NSD1: variants seen among roughly 807,000 people sequenced by gnomAD.
The protein encoded by NSD1 is nuclear receptor binding SET domain protein 1.
Under a neutral mutation model 242.7 loss-of-function variants are expected in NSD1, and 26 were observed. That is an observed-to-expected ratio of 0.11 (90% CI 0.08 to 0.15). The LOEUF is 0.15. Among genes scored for constraint, NSD1 ranks in the 10% least tolerant of loss-of-function variants. The probability of loss-of-function intolerance (pLI) is 1.00; values close to 1 mark genes in which losing one functional copy is unlikely to be tolerated. For missense variants in NSD1, 2,495 were observed against 3,272.8 expected, an observed-to-expected ratio of 0.76 and a Z score of 5.80; for synonymous variants, 1,106 against 1,178.1, an observed-to-expected ratio of 0.94 and a Z score of 1.25.
chr5:177,165,433 T>G (rs1451190071), intron 2 of NSD1, among the ~76,000 whole-genome samples: 1 of 152,238 alleles, frequency 6.6e-6, no homozygotes, highest in Non-Finnish European at 1.5e-5. Flanking sequence ...CCTCCCAAAA[T>G]GAGCCACCGT....
rs1284439438 is a variant in NSD1 at position 177,133,792 on chromosome 5, C to G, written c.-178C>G. 2 of 149,060 alleles carry G rather than the reference C, an allele frequency of 1.3e-5. No homozygotes were observed. The highest frequency in any genetic ancestry group is 4.9e-5 in the African/African-American group (2 of 40,720). The allele number at this position is 149,060 out of a possible 1,614,324, so 9.2% of individuals were successfully genotyped here. ...GAGGAGGAGGCGGCGGCGGAATAGG[C>G]CGGGGCAGGTCGCGCTCGCTGCCTT... is the stretch of plus-strand genomic sequence containing the variant. On this transcript the variant is annotated 5_prime_UTR_variant, in exon 1 of 23. Transcript: ENST00000439151. The surrounding 1 kb of genome is among the most constrained non-coding windows in gnomAD (Gnocchi z 6.2).
At chr5:177,276,210 C>A (rs1200242754) in intron 17 of NSD1, among the ~76,000 whole-genome samples, 1 of 152,092 alleles carries the variant, frequency 6.6e-6, no homozygotes, top group South Asian at 2.1e-4. Flanking sequence ...GGATTACAGG[C>A]GTGAGCTACG....
chr5:177,158,940 A>G (rs775132545), intron 2 of NSD1, among the ~76,000 whole-genome samples: 15 of 137,726 alleles, frequency 1.1e-4, no homozygotes, highest in South Asian at 6.7e-4. Context: ...GTGTGTGTGT[A>G]TATATACACA....
upstream of NSD1, chr5:177,132,987 A>C (rs1755977746): frequency 1.3e-5 from 2 of 152,776 alleles, no homozygotes; most frequent in African/African-American, 4.8e-5. This position sits in a 1 kb window ranked among gnomAD's most constrained non-coding sequence, Gnocchi z 7.5. Flanking sequence ...GGCTTGGCTC[A>C]GGGAGGCAGA....
chr5:177,192,262 C>G (rs184607596), intron 3 of NSD1, among the ~76,000 whole-genome samples: 4 of 151,598 alleles, frequency 2.6e-5, no homozygotes, highest in African/African-American at 9.7e-5. Flanking sequence ...CCAGGCTGGA[C>G]TGTAGTGGTG....
In NSD1 at chr5:177,248,193, C is replaced by T. The variant is rs1766447874; in HGVS notation, c.4510C>T (p.Pro1504Ser). ...EIPGSEGELM[P>S]HRTATSPKET... ...TTTTCTTTGCAAGGGAGAACTAATG[C>T]CTCACAGGACGGCCACAAGCCCCAA... The change falls in exon 11 of 23, where the codon CCT (proline) becomes TCT (serine). Residue 1504 changes from proline (P) to serine (S), a missense_variant. This residue lies in a region of NSD1 where 97 missense variants were observed against 97.7 expected (regional missense o/e 0.99). Transcript: ENST00000439151. 6.2e-7 allele frequency: 1 copy of T among 1,613,920 alleles called. No homozygotes were observed. Among genetic ancestry groups the T allele is most frequent in the East Asian group, 2.2e-5 (1 of 44,892 alleles).
rs1400322246 is a variant in NSD1, at chr5:177,298,910, G to T, written c.*3451G>T. ...TAAATGATACTGTCATCCTCTTGGG[G>T]TTTATCAGCCAGGTTAGAGGAGCCC... On this transcript the variant is annotated 3_prime_UTR_variant, in exon 23 of 23. Coordinates refer to ENST00000439151, the MANE Select transcript of NSD1 (RefSeq NM_022455.5). 1 of 233,028 alleles carries T rather than the reference G, an allele frequency of 4.3e-6. No individual in the cohort carries two copies. Among genetic ancestry groups the T allele is most frequent in the Non-Finnish European group, 8.5e-6 (1 of 117,938 alleles). The allele number at this position is 233,028 out of a possible 1,614,324, so 14.4% of individuals were successfully genotyped here.
chr5:177,266,109 G>T, intron 14 of NSD1: 1 of 1,123,054 alleles, frequency 8.9e-7, no homozygotes, highest in Non-Finnish European at 1.4e-6. Flanking sequence ...AGTGTGGCCC[G>T]TTCTGGGAAG....
Position 177,238,538 on chromosome 5 carries a change from G to A in NSD1, c.4192+31G>A, listed in dbSNP as rs763304045. On this transcript the variant is annotated intron_variant, in intron 7 of 22. Coordinates refer to ENST00000439151, the MANE Select transcript of NSD1 (RefSeq NM_022455.5). This position sits in a 1 kb window ranked among gnomAD's most constrained non-coding sequence, Gnocchi z 4.6. The stretch of plus-strand genomic sequence containing the variant: ...GTGGGGTTGGGGTCTCAGTATTTGA[G>A]CAGATATGATTAGAGGAAGCAGGAG... 6.2e-7 allele frequency: 1 copy of A among 1,607,414 alleles called. No individual in the cohort carries two copies. Among genetic ancestry groups the A allele is most frequent in the Non-Finnish European group, 8.5e-7 (1 of 1,179,110 alleles).
intron 14 of NSD1, chr5:177,265,059 A>C: frequency 1.3e-6 from 1 of 757,766 alleles, no homozygotes; most frequent in Non-Finnish European, 2.4e-6. Flanking sequence ...AAGCACTCCT[A>C]AGAGCCAAGA....
At chr5:177,233,526 G>A (rs948154222) in intron 5 of NSD1, among the ~76,000 whole-genome samples, 2 of 138,616 alleles carry the variant, frequency 1.4e-5, no homozygotes, top group Non-Finnish European at 3.0e-5. Context: ...GAGCCACCAT[G>A]CCTGGCTAGT....
At chr5:177,260,206 A>G (rs1303937035) in intron 14 of NSD1, 38 bp downstream of exon 14, 1 of 1,587,364 alleles carries the variant, frequency 6.3e-7, no homozygotes, top group Non-Finnish European at 8.6e-7. Context: ...TAGTCTAAAA[A>G]GGGATTAAAT....
At chr5:177,144,314 TC>T (rs1757062175) in intron 2 of NSD1, among the ~76,000 whole-genome samples, 1 of 151,970 alleles carries the variant, frequency 6.6e-6, no homozygotes, top group Non-Finnish European at 1.5e-5. Flanking sequence ...GCCCAAGTGA[TC>T]CACCGCCCTC....
chr5:177,196,729 A>G (rs555592252), intron 3 of NSD1, among the ~76,000 whole-genome samples: 1 of 152,374 alleles, frequency 6.6e-6, no homozygotes, highest in African/African-American at 2.4e-5. Context: ...CAAAAGGTAC[A>G]TTGAGGAAGA....
chr5:177,144,871 A>G (rs1228495636), intron 2 of NSD1, among the ~76,000 whole-genome samples: 6 of 152,100 alleles, frequency 3.9e-5, no homozygotes, highest in African/African-American at 1.4e-4. Flanking sequence ...ATCTGAGGTC[A>G]GGAGTTCAAG....
At chr5:177,229,863 C>T (rs550470571) in intron 5 of NSD1, 15 of 238,776 alleles carry the variant, frequency 6.3e-5, no homozygotes, top group Admixed American at 1.1e-4. Flanking sequence ...CCTGTCTCAC[C>T]CTCCTGAGTA....
intron 2 of NSD1, among the ~76,000 whole-genome samples, chr5:177,183,594 T>G (rs1760870528): frequency 6.6e-6 from 1 of 152,214 alleles, no homozygotes; most frequent in Non-Finnish European, 1.5e-5. Context: ...GGAGTTACCA[T>G]CCCCTCAAGG....
chr5:177,233,745 G>C (rs1337751007), intron 5 of NSD1, among the ~76,000 whole-genome samples: 1 of 151,898 alleles, frequency 6.6e-6, no homozygotes, highest in African/African-American at 2.4e-5. Context: ...CTTATTTCAG[G>C]GAAGCTGGAC....
At chr5:177,266,264 T>C in intron 14 of NSD1, 3 of 758,338 alleles carry the variant, frequency 4.0e-6, no homozygotes, top group Admixed American at 1.8e-5. Context: ...CACCTTCCCC[T>C]TGGTGATGGT....
Sources: allele counts gnomAD v4.1 joint callset (sites outside exome capture counted in the v4.1 genomes callset), GRCh38; gene constraint gnomAD v4.1.1; regional missense constraint gnomAD v4.1.1; non-coding constraint Gnocchi (gnomAD v3.1); transcripts MANE v1.5; gene names NCBI Gene and HGNC (gene_info 2026-07-23, HGNC 2026-07-21).